Variants in VANGL2 observed in about 807,000 individuals in gnomAD.
The protein encoded by VANGL2 is vang-like protein 2.
In VANGL2, 14 loss-of-function variants were observed where a neutral mutation model predicts 50.2. The ratio of observed to expected loss-of-function variants is 0.28; its 90% CI spans 0.18 to 0.44. The LOEUF (loss-of-function observed/expected upper bound fraction) is 0.44, where lower values mean the gene tolerates loss of function less well. VANGL2 is among the 20% of genes least tolerant of loss of function. VANGL2 has a pLI of 1.00. For missense variants in VANGL2, 533 were observed against 701.5 expected, an observed-to-expected ratio of 0.76 and a Z score of 2.71; for synonymous variants, 295 against 297.2, an observed-to-expected ratio of 0.99 and a Z score of 0.08.
chr1:160,413,517 C>T (rs1258709087), intron 1 of VANGL2, among the ~76,000 whole-genome samples: 1 of 152,082 alleles, frequency 6.6e-6, no homozygotes, highest in Non-Finnish European at 1.5e-5. Flanking sequence ...CCGCCTTGGC[C>T]TCCTAAAGTG....
In VANGL2 at chr1:160,425,853, C is replaced by CA. The variant is rs1312055999; in HGVS notation, c.*476dup. On this transcript the variant is annotated 3_prime_UTR_variant, in exon 8 of 8. Transcript: ENST00000368061. The stretch of plus-strand genomic sequence containing the variant: ...AGAGAGCCACAGTGCCAAACTCCTC[C>CA]AGGGCAGCAACTGGCCCTCCTGTCC... The CA allele has an allele frequency of 1.9e-5, 3 of 156,834 alleles. No individual in the cohort carries two copies. Among genetic ancestry groups the CA allele is most frequent in the African/African-American group, 7.2e-5 (3 of 41,486 alleles). 9.7% of individuals were successfully genotyped at this position (156,834 alleles called of 1,614,324 possible). A position where few individuals can be genotyped will look rare whatever the true frequency, so the allele number is the denominator to read the frequency against.
intron 3 of VANGL2, among the ~76,000 whole-genome samples, chr1:160,417,908 A>ATTTTTT (rs4017836): frequency 1.5e-5 from 2 of 130,154 alleles, no homozygotes; most frequent in Non-Finnish European, 3.2e-5. Flanking sequence ...GACTTCCATA[A>ATTTTTT]TTTTTTTTTT....
chr1:160,424,145 G>A lies in VANGL2; in HGVS notation c.1167G>A (p.Glu389=), dbSNP rs777175744. 1 of 1,614,206 alleles carries A rather than the reference G, an allele frequency of 6.2e-7. No individual in the cohort carries two copies. Among genetic ancestry groups the A allele is most frequent in the Admixed American group, 1.7e-5 (1 of 60,030 alleles). The change falls in exon 7 of 8, where the codon GAG becomes GAA. Residue 389 remains glutamate, a synonymous_variant. Coordinates refer to ENST00000368061, the MANE Select transcript of VANGL2 (RefSeq NM_020335.3). Reference sequence around the variant, plus strand: ...CCAGGGAGGTGATGGACCCCCGGGAGGCAGCCCAAGCCATCTTTGCATCCA... The same window carrying A: ...CCAGGGAGGTGATGGACCCCCGGGAAGCAGCCCAAGCCATCTTTGCATCCA... ...KNPREVMDPR[E]AAQAIFASMA...
intron 1 of VANGL2, among the ~76,000 whole-genome samples, chr1:160,413,958 T>G (rs1029165186): frequency 6.6e-6 from 1 of 152,198 alleles, no homozygotes; most frequent in African/African-American, 2.4e-5. Context: ...CTCCCCAGTC[T>G]TCCCTACCCT....
chr1:160,426,540 G>T lies in VANGL2; in HGVS notation c.*1162G>T, dbSNP rs1054173385. The stretch of plus-strand genomic sequence containing the variant: ...ATTCTCTGAGCTCTGGGCTCCGTCT[G>T]TATTGGGTTGAGGGGCAAGGATTAC... On this transcript the variant is annotated 3_prime_UTR_variant, in exon 8 of 8. Transcript: ENST00000368061. 6.6e-6 allele frequency: 1 copy of T among 152,616 alleles called. No individual in the cohort carries two copies. Among genetic ancestry groups the T allele is most frequent in the African/African-American group, 2.4e-5 (1 of 41,380 alleles). 9.5% of individuals were successfully genotyped at this position (152,616 alleles called of 1,614,324 possible).
chr1:160,425,259 C>A lies in VANGL2; in HGVS notation c.1447C>A (p.Gln483Lys). Residue 483 changes from glutamine (Q) to lysine (K), a missense_variant, in exon 8 of 8, where the codon CAG becomes AAG. By Grantham distance (53) the Gln-to-Lys change is moderately conservative. Coordinates refer to ENST00000368061, the MANE Select transcript of VANGL2 (RefSeq NM_020335.3). ...KDGIVFLLKR[Q>K]DFSLVVSTKK... is the part of the protein sequence containing the mutation. ...TGGCATCGTTTTCCTCTTAAAACGC[C>A]AGGACTTCAGCCTGGTGGTCAGCAC... 6.2e-7 allele frequency: 1 copy of A among 1,614,130 alleles called. No individual in the cohort carries two copies. Among genetic ancestry groups the A allele is most frequent in the Non-Finnish European group, 8.5e-7 (1 of 1,180,034 alleles).
intron 3 of VANGL2, among the ~76,000 whole-genome samples, chr1:160,418,458 G>T (rs1286432361): frequency 2.3e-4 from 32 of 141,580 alleles, no homozygotes; most frequent in African/African-American, 4.1e-4. Flanking sequence ...GGAGTTTTTT[G>T]TTTTTTTTTT....
Position 160,425,010 on chromosome 1 carries a change from G to C in VANGL2, c.1306-108G>C, listed in dbSNP as rs78922861. ...TCTGAGGTTCTAGTTCATATGCATAGAGTGAGCTCAGGGACGTCCTTCTTG... is the reference window on the plus strand; with the variant it reads ...TCTGAGGTTCTAGTTCATATGCATACAGTGAGCTCAGGGACGTCCTTCTTG... On this transcript the variant is annotated intron_variant, in intron 7 of 7. Transcript: ENST00000368061. 713 of 1,504,412 alleles carry C rather than the reference G, an allele frequency of 4.7e-4. 6 individuals carry two copies. In the East Asian group the frequency reaches 0.015, roughly 33 times the overall value. 93.2% of individuals were successfully genotyped at this position (1,504,412 alleles called of 1,614,324 possible).
chr1:160,426,369 C>T lies in VANGL2; in HGVS notation c.*991C>T, dbSNP rs1221536395. 1 of 152,832 alleles carries T rather than the reference C, an allele frequency of 6.5e-6. No homozygotes were observed. Among genetic ancestry groups the T allele is most frequent in the African/African-American group, 2.4e-5 (1 of 41,442 alleles). The allele number at this position is 152,832 out of a possible 1,614,324, so 9.5% of individuals were successfully genotyped here. A position where few individuals can be genotyped will look rare whatever the true frequency, so the allele number is the denominator to read the frequency against. On this transcript the variant is annotated 3_prime_UTR_variant, in exon 8 of 8. Transcript: ENST00000368061. Reference sequence around the variant, plus strand: ...CCAGCCACCCCTGTCCTGCCGCCTTCTCTCGACTCCAGAGACCTGTTGCCT... The same window carrying T: ...CCAGCCACCCCTGTCCTGCCGCCTTTTCTCGACTCCAGAGACCTGTTGCCT...
intron 1 of VANGL2, among the ~76,000 whole-genome samples, chr1:160,410,154 T>C (rs1026070476): frequency 2.0e-4 from 31 of 152,166 alleles, no homozygotes; most frequent in South Asian, 6.2e-4. Context: ...AGAAAAATGG[T>C]CCTATCAGAG....
At chr1:160,408,124 G>A (rs1031866033) in intron 1 of VANGL2, among the ~76,000 whole-genome samples, 2 of 151,896 alleles carry the variant, frequency 1.3e-5, no homozygotes, top group African/African-American at 2.4e-5. Context: ...CTGCTTTTGT[G>A]TGCTGTGTTG....
In VANGL2 at chr1:160,419,196, G is replaced by T. The variant is rs761011149; in HGVS notation, c.387G>T (p.Leu129=). The T allele has an allele frequency of 6.2e-7, 1 of 1,613,284 alleles. No individual in the cohort carries two copies. The highest frequency in any genetic ancestry group is 8.5e-7 in the Non-Finnish European group (1 of 1,179,998). Reference sequence around the variant, plus strand: ...TCACGCCTCTGGCCTTCCTGCTGCTGCCCCCACTGCTGTGGCGGGAGGAGC... The same window carrying T: ...TCACGCCTCTGGCCTTCCTGCTGCTTCCCCCACTGCTGTGGCGGGAGGAGC... ...SFLTPLAFLL[L]PPLLWREELE... The change falls in exon 4 of 8, where the codon CTG becomes CTT. Residue 129 remains leucine (L), a synonymous_variant. Transcript: ENST00000368061. The surrounding 1 kb of genome is among the most constrained non-coding windows in gnomAD (Gnocchi z 5.8).
rs1355637396 is a variant in VANGL2, at chr1:160,419,851, C to T, written c.800+242C>T. Among the ~76,000 whole-genome samples, 1 of 140,200 alleles carries T rather than the reference C, an allele frequency of 7.1e-6. No individual in the cohort carries two copies. The highest frequency in any genetic ancestry group is 1.5e-5 in the Non-Finnish European group (1 of 66,392). The allele number at this position is 140,200 out of a possible 152,430, so 92.0% of individuals were successfully genotyped here. ...GAGTTATGAGATGGGAATGAATAGGCATTTAGAGGTAGGGAATATTAGAGG... is the reference window on the plus strand; with the variant it reads ...GAGTTATGAGATGGGAATGAATAGGTATTTAGAGGTAGGGAATATTAGAGG... On this transcript the variant is annotated intron_variant, in intron 4 of 7. Coordinates refer to ENST00000368061, the MANE Select transcript of VANGL2 (RefSeq NM_020335.3). This position sits in a 1 kb window ranked among gnomAD's most constrained non-coding sequence, Gnocchi z 5.8.
At position 160,426,317 on chromosome 1, in the gene VANGL2, C is replaced by T. The variant is rs1651453011; in HGVS notation, c.*939C>T. 1 of 152,788 alleles carries T rather than the reference C, an allele frequency of 6.5e-6. No homozygotes were observed. Among genetic ancestry groups the T allele is most frequent in the Non-Finnish European group, 1.5e-5 (1 of 68,200 alleles). The allele number at this position is 152,788 out of a possible 1,614,324, so 9.5% of individuals were successfully genotyped here. A position where few individuals can be genotyped will look rare whatever the true frequency, so the allele number is the denominator to read the frequency against. On this transcript the variant is annotated 3_prime_UTR_variant, in exon 8 of 8. Transcript: ENST00000368061. ...CAGACCCTGACCCAGCCCCTGTGGT[C>T]TTAGACAAATGTTTTTATTTTTGTC...
intron 1 of VANGL2, among the ~76,000 whole-genome samples, chr1:160,409,445 A>AAAAGGGAAAGGG (rs558413346): frequency 6.6e-6 from 1 of 152,020 alleles, no homozygotes; most frequent in Non-Finnish European, 1.5e-5. Context: ...TCCTGAAGGG[A>AAAAGGGAAAGGG]AAAGGGAAAG....
At chr1:160,424,858 G>A (rs1378505859) in intron 7 of VANGL2, among the ~76,000 whole-genome samples, 1 of 152,176 alleles carries the variant, frequency 6.6e-6, no homozygotes, top group East Asian at 1.9e-4. Flanking sequence ...AAGAGCAGCA[G>A]ATGGGGGTCA....
intron 1 of VANGL2, among the ~76,000 whole-genome samples, chr1:160,411,863 GGTGTGTGT>G (rs144604516): frequency 6.7e-6 from 1 of 150,282 alleles, no homozygotes; most frequent in African/African-American, 2.4e-5. Context: ...GGTTCTGGTT[GGTGTGTGT>G]GTGTGTGTGT....
chr1:160,428,498 G>A lies in VANGL2; in HGVS notation c.*3120G>A, dbSNP rs1420565499. On this transcript the variant is annotated 3_prime_UTR_variant, in exon 8 of 8. Coordinates refer to ENST00000368061, the MANE Select transcript of VANGL2 (RefSeq NM_020335.3). The stretch of plus-strand genomic sequence containing the variant: ...GGTGGGGTTACAGAGCTGAGACCTT[G>A]TGCATGCATGTAGAAAATTGTAAAA... 2 of 152,276 alleles carry A rather than the reference G, an allele frequency of 1.3e-5. No homozygotes were observed. The highest frequency in any genetic ancestry group is 4.8e-5 in the African/African-American group (2 of 41,302). 9.4% of individuals were successfully genotyped at this position (152,276 alleles called of 1,614,324 possible). A position where few individuals can be genotyped will look rare whatever the true frequency, so the allele number is the denominator to read the frequency against.
chr1:160,411,947 G>A (rs1055261409), intron 1 of VANGL2, among the ~76,000 whole-genome samples: 1 of 152,106 alleles, frequency 6.6e-6, no homozygotes, highest in Non-Finnish European at 1.5e-5. Context: ...TCTTTCCCTA[G>A]TCTCAGAGGA....
Sources: gnomAD v4.1 joint callset for allele counts (sites outside exome capture counted in the v4.1 genomes callset) on GRCh38, gnomAD v4.1.1 for gene constraint, Gnocchi (gnomAD v3.1) non-coding constraint, MANE v1.5 for transcripts, NCBI Gene and HGNC (gene_info 2026-07-23, HGNC 2026-07-21) for gene names.